The following GPC5 variants were observed in gnomAD, a reference collection of about 807,000 sequenced individuals.
GPC5 encodes glypican 5, also known as glypican-5.
In GPC5, 47 loss-of-function variants were observed where a neutral mutation model predicts 53.9. The observed-to-expected ratio is 0.87, with a 90% CI of 0.69 to 1.11. GPC5 has a LOEUF of 1.11. Ranked by LOEUF, GPC5 falls within the 50% of genes most tolerant of loss-of-function variation. GPC5 has a pLI of 0.00. For synonymous variants in GPC5, 286 were observed against 263.3 expected, an observed-to-expected ratio of 1.09 and a Z score of -0.84; for missense variants, 748 against 713.1, an observed-to-expected ratio of 1.05 and a Z score of -0.56.
intron 5 of GPC5, among the ~76,000 whole-genome samples, chr13:91,759,375 A>C (rs1325612707): frequency 6.6e-6 from 1 of 152,114 alleles, no homozygotes; most frequent in East Asian, 1.9e-4. Context: ...TTTATGTTAT[A>C]AGCATTCCAA....
At chr13:92,104,844 A>G (rs1232756037) in intron 6 of GPC5, among the ~76,000 whole-genome samples, 1 of 152,160 alleles carries the variant, frequency 6.6e-6, no homozygotes, top group African/African-American at 2.4e-5. Context: ...TGACAGGTAT[A>G]ACATGGCTTA....
At chr13:92,195,828 C>T (rs192419508) in intron 7 of GPC5, among the ~76,000 whole-genome samples, 10 of 152,132 alleles carry the variant, frequency 6.6e-5, no homozygotes, top group African/African-American at 1.9e-4. Flanking sequence ...AACTTTATCC[C>T]GGGTTTTCAC....
At chr13:91,952,665 A>T (rs947029135) in intron 6 of GPC5, among the ~76,000 whole-genome samples, 3 of 152,120 alleles carry the variant, frequency 2.0e-5, no homozygotes, top group East Asian at 3.9e-4. Flanking sequence ...ACAAATACAG[A>T]AGAGAATTTT....
At chr13:91,653,836 G>T (rs1383093410) in intron 2 of GPC5, among the ~76,000 whole-genome samples, 2 of 152,046 alleles carry the variant, frequency 1.3e-5, no homozygotes, top group Admixed American at 6.6e-5. Flanking sequence ...CACATAATTT[G>T]AATGTACAGT....
intron 7 of GPC5, among the ~76,000 whole-genome samples, chr13:92,223,274 C>T (rs999137227): frequency 1.3e-5 from 2 of 152,180 alleles, no homozygotes; most frequent in African/African-American, 2.4e-5. Context: ...AAATGATAAT[C>T]ATGTTAGCTA....
intron 6 of GPC5, among the ~76,000 whole-genome samples, chr13:91,988,742 C>T (rs2040430946): frequency 6.6e-6 from 1 of 152,094 alleles, no homozygotes; most frequent in Non-Finnish European, 1.5e-5. Context: ...TTTAGAGACC[C>T]ATTTTCCATC....
At chr13:91,755,245 C>G (rs551361379) in intron 4 of GPC5, among the ~76,000 whole-genome samples, 1 of 152,108 alleles carries the variant, frequency 6.6e-6, no homozygotes, top group African/African-American at 2.4e-5. Flanking sequence ...TTAGAATCAC[C>G]TGTCTTCTTT....
intron 7 of GPC5, among the ~76,000 whole-genome samples, chr13:92,458,200 A>G (rs1191532953): frequency 6.7e-6 from 1 of 149,780 alleles, no homozygotes; most frequent in Admixed American, 6.8e-5. Context: ...CTAATTCAGT[A>G]TTCTAGTCTA....
chr13:92,564,059 C>G (rs1210266977), intron 7 of GPC5, among the ~76,000 whole-genome samples: 1 of 151,888 alleles, frequency 6.6e-6, no homozygotes. Flanking sequence ...TTTTACTGTG[C>G]TATTGCCAAG....
At chr13:91,932,610 C>A (rs1402296153) in intron 6 of GPC5, among the ~76,000 whole-genome samples, 3 of 151,980 alleles carry the variant, frequency 2.0e-5, no homozygotes. Flanking sequence ...TTGGGCTTAA[C>A]ATTTTAAAGT....
At chr13:92,854,429 G>T (rs1229390290) in intron 7 of GPC5, among the ~76,000 whole-genome samples, 2 of 150,560 alleles carry the variant, frequency 1.3e-5, no homozygotes, top group Non-Finnish European at 3.0e-5. Context: ...TCAAGCCAAT[G>T]CAATAAGAAA....
chr13:92,192,934 T>C (rs1164447284), intron 7 of GPC5, among the ~76,000 whole-genome samples: 2 of 152,194 alleles, frequency 1.3e-5, no homozygotes, highest in African/African-American at 4.8e-5. Context: ...TCCAGCACTT[T>C]GGGAGGTCAA....
intron 2 of GPC5, among the ~76,000 whole-genome samples, chr13:91,649,491 T>A (rs1196253881): frequency 6.6e-6 from 1 of 152,190 alleles, no homozygotes; most frequent in Non-Finnish European, 1.5e-5. Context: ...ACACTACTAG[T>A]TGCCTCTTTC....
rs1175915562 is a variant in GPC5, at chr13:91,944,631, T to C, written c.1401+36574T>C. Among the ~76,000 whole-genome samples, 3 of 152,316 alleles carry C rather than the reference T, an allele frequency of 2.0e-5. No individual in the cohort carries two copies. In the East Asian group the frequency reaches 5.8e-4, roughly 29 times the overall value. On this transcript the variant is annotated intron_variant, in intron 6 of 7. Coordinates refer to ENST00000377067, the MANE Select transcript of GPC5 (RefSeq NM_004466.6). The stretch of plus-strand genomic sequence containing the variant: ...ATGTCTATTTACATTTTCTATACCA[T>C]ATATTCCTTAAATCTATATAAATCT...
chr13:92,432,815 A>T (rs1877151599), intron 7 of GPC5, among the ~76,000 whole-genome samples: 1 of 152,106 alleles, frequency 6.6e-6, no homozygotes, highest in African/African-American at 2.4e-5. Context: ...TCTAAGTAGC[A>T]TGATTAAATG....
chr13:92,138,202 T>C (rs1046551029), intron 6 of GPC5, among the ~76,000 whole-genome samples: 1 of 152,078 alleles, frequency 6.6e-6, no homozygotes, highest in African/African-American at 2.4e-5. Context: ...TCTAATACGA[T>C]TGATATTCAT....
At chr13:91,905,348 T>A (rs2039542169) in intron 5 of GPC5, among the ~76,000 whole-genome samples, 3 of 151,840 alleles carry the variant, frequency 2.0e-5, no homozygotes, top group African/African-American at 7.2e-5. Context: ...TTTATTTTTC[T>A]AAAATAAAGA....
At chr13:91,622,300 T>A (rs947989164) in intron 2 of GPC5, among the ~76,000 whole-genome samples, 1 of 152,128 alleles carries the variant, frequency 6.6e-6, no homozygotes, top group African/African-American at 2.4e-5. Flanking sequence ...GTGCTATCAT[T>A]TATCAATCTT....
chr13:92,302,631 T>G (rs1039008234), intron 7 of GPC5, among the ~76,000 whole-genome samples: 7 of 152,210 alleles, frequency 4.6e-5, no homozygotes, highest in Non-Finnish European at 1.0e-4. Flanking sequence ...TCTGTTGCTA[T>G]TTTGTTGTAT....
Sources: gnomAD v4.1 joint callset for allele counts (sites outside exome capture counted in the v4.1 genomes callset) on GRCh38, gnomAD v4.1.1 for gene constraint, MANE v1.5 for transcripts, NCBI Gene and HGNC (gene_info 2026-07-23, HGNC 2026-07-21) for gene names.